The following SEPTIN7 variants were observed in gnomAD, a reference collection of about 807,000 sequenced individuals.
SEPTIN7 encodes the protein septin 7.
Under a neutral mutation model 63.3 loss-of-function variants are expected in SEPTIN7, and 10 were observed. The observed-to-expected ratio is 0.16, with a 90% CI of 0.10 to 0.27. The LOEUF is 0.27. SEPTIN7 is among the 10% of genes least tolerant of loss of function. The pLI is 1.00. For missense variants in SEPTIN7, 310 were observed against 521.0 expected (o/e 0.59, Z 3.94); for synonymous variants, 131 against 165.3 (o/e 0.79, Z 1.59).
chr7:35,908,341 G>A (rs1788672897), downstream of SEPTIN7, among the ~76,000 whole-genome samples: 1 of 152,164 alleles, frequency 6.6e-6, no homozygotes, highest in South Asian at 2.1e-4. Flanking sequence ...AGCTTCATGG[G>A]AAGAATGAAG....
At chr7:35,904,118 T>G in intron 13 of SEPTIN7, 136 bp from the exon 14 acceptor site, 1 of 539,910 alleles carries the variant, frequency 1.9e-6, no homozygotes, top group Middle Eastern at 2.8e-4. Flanking sequence ...CTTCTAAATC[T>G]TTTAATTTTT....
chr7:35,914,739 C>T, the SEPTIN7 span, among the ~76,000 whole-genome samples: 1 of 151,476 alleles, frequency 6.6e-6, no homozygotes, highest in Admixed American at 6.6e-5. Flanking sequence ...CCTATGTATA[C>T]ATACCTATTC....
At chr7:35,896,625 CAAAA>C (rs1032801513) in intron 11 of SEPTIN7, among the ~76,000 whole-genome samples, 1 of 151,960 alleles carries the variant, frequency 6.6e-6, no homozygotes, top group East Asian at 1.9e-4. Flanking sequence ...CAACTTTTAA[CAAAA>C]AAAGATGATA....
Position 35,905,338 on chromosome 7 carries a change from C to G in SEPTIN7, c.*1045C>G, listed in dbSNP as rs1583663699. 6.6e-6 allele frequency: 1 copy of G among 152,484 alleles called. No homozygotes were observed. The allele number at this position is 152,484 out of a possible 1,614,324, so 9.4% of individuals were successfully genotyped here. ...TGTGAGGTCTTAAATATCCTACAGT[C>G]GATGTACAAGAGTAGAGTATGTTTG... On this transcript the variant is annotated 3_prime_UTR_variant, in exon 14 of 14. Coordinates refer to ENST00000350320, the MANE Select transcript of SEPTIN7 (RefSeq NM_001788.6).
At chr7:35,838,347 TCCCTCCCTCCCTCCCTCCTC>T (rs1784229322) in intron 3 of SEPTIN7, among the ~76,000 whole-genome samples, 5 of 7,682 alleles carry the variant, frequency 6.5e-4, no homozygotes, top group Admixed American at 2.1e-3. Flanking sequence ...CCTCCCTCCC[TCCCTCCCTCCCTCCCTCCTC>T]CCTCCCTCCC....
chr7:35,813,225 T>A (rs1238622883), intron 1 of SEPTIN7, among the ~76,000 whole-genome samples: 1 of 152,250 alleles, frequency 6.6e-6, no homozygotes, highest in Non-Finnish European at 1.5e-5. Flanking sequence ...CAGCAGATAC[T>A]GGAATTCAGA....
rs544566986 is a variant in SEPTIN7 at position 35,893,334 on chromosome 7, A to T, written c.998+2541A>T. On this transcript the variant is annotated intron_variant, in intron 11 of 13. Transcript: ENST00000350320. ...CTATTGAAAATTTATAGTTAAATTG[A>T]TCTTTGGCAATGTATGTTTCACAAA... Among the ~76,000 whole-genome samples, 3 of 152,308 alleles carry T rather than the reference A, an allele frequency of 2.0e-5. No homozygotes were observed. In the South Asian group the frequency reaches 6.2e-4, roughly 32 times the overall value.
intron 6 of SEPTIN7, among the ~76,000 whole-genome samples, chr7:35,877,592 G>C (rs1381972579): frequency 6.6e-6 from 1 of 152,068 alleles, no homozygotes; most frequent in Non-Finnish European, 1.5e-5. Context: ...ACTTTAGAAT[G>C]GTAGTCCTTT....
chr7:35,858,872 G>A (rs960443539), intron 3 of SEPTIN7, among the ~76,000 whole-genome samples: 18 of 151,152 alleles, frequency 1.2e-4, no homozygotes, highest in African/African-American at 3.2e-4. Flanking sequence ...TAGAGACGGG[G>A]TTTTACCATG....
At chr7:35,806,959 T>G (rs1480360830) in intron 1 of SEPTIN7, among the ~76,000 whole-genome samples, 3 of 152,238 alleles carry the variant, frequency 2.0e-5, no homozygotes, top group Non-Finnish European at 4.4e-5. Context: ...ATTGACTGTT[T>G]TCAGGAAAAT....
At chr7:35,834,031 T>C (rs1414334598) in intron 3 of SEPTIN7, among the ~76,000 whole-genome samples, 1 of 152,054 alleles carries the variant, frequency 6.6e-6, no homozygotes, top group Non-Finnish European at 1.5e-5. Flanking sequence ...AAGTATGGTA[T>C]ATCTAGCTTG....
intron 3 of SEPTIN7, among the ~76,000 whole-genome samples, chr7:35,844,992 G>A (rs879327442): frequency 1.1e-4 from 17 of 152,146 alleles, no homozygotes; most frequent in Admixed American, 4.6e-4. Context: ...GGAAGGCCCA[G>A]GTAGGAGGAT....
chr7:35,817,123 G>GC (rs1789120045), intron 1 of SEPTIN7, among the ~76,000 whole-genome samples: 4 of 151,824 alleles, frequency 2.6e-5, no homozygotes. Flanking sequence ...AGTCAAGAAA[G>GC]CATTTCTAAT....
At chr7:35,912,482 G>A in the SEPTIN7 span, among the ~76,000 whole-genome samples, 1 of 152,188 alleles carries the variant, frequency 6.6e-6, no homozygotes, top group Non-Finnish European at 1.5e-5. Context: ...TAATAAATAT[G>A]TGGGTAAATC....
chr7:35,834,125 ACAT>A (rs768882160), intron 3 of SEPTIN7, among the ~76,000 whole-genome samples: 3 of 152,008 alleles, frequency 2.0e-5, no homozygotes, highest in Non-Finnish European at 4.4e-5. Context: ...TAGGTTGGTA[ACAT>A]CATCATTATA....
At chr7:35,827,797 T>A (rs1051216325) in intron 1 of SEPTIN7, among the ~76,000 whole-genome samples, 5 of 152,156 alleles carry the variant, frequency 3.3e-5, no homozygotes, top group African/African-American at 4.8e-5. Context: ...GGCCAAATTA[T>A]TAGTATATTT....
At chr7:35,842,348 GAA>G (rs35707107) in intron 3 of SEPTIN7, among the ~76,000 whole-genome samples, 5 of 143,526 alleles carry the variant, frequency 3.5e-5, no homozygotes, top group African/African-American at 1.3e-4. Flanking sequence ...CTTTGTTTTT[GAA>G]AAAAAAAAAA....
chr7:35,825,886 A>G (rs1363280241), intron 1 of SEPTIN7, among the ~76,000 whole-genome samples: 4 of 152,166 alleles, frequency 2.6e-5, no homozygotes, highest in Admixed American at 2.6e-4. Context: ...TTAACTGAGA[A>G]TCCAGAATAG....
intron 3 of SEPTIN7, among the ~76,000 whole-genome samples, chr7:35,861,930 A>G (rs1785534026): frequency 6.6e-6 from 1 of 152,114 alleles, no homozygotes; most frequent in African/African-American, 2.4e-5. Flanking sequence ...TTTTTTCTTA[A>G]TTGGGCATTT....
Sources: allele counts gnomAD v4.1 joint callset (sites outside exome capture counted in the v4.1 genomes callset), GRCh38; gene constraint gnomAD v4.1.1; transcripts MANE v1.5; gene names NCBI Gene and HGNC (gene_info 2026-07-23, HGNC 2026-07-21).